Variants in ZC3H7B observed in about 807,000 individuals in gnomAD.
ZC3H7B encodes the protein zinc finger CCCH domain-containing protein 7B.
ZC3H7B carries 35 observed loss-of-function variants against 116.0 expected under a neutral mutation model. The ratio of observed to expected loss-of-function variants is 0.30; its 90% confidence interval spans 0.23 to 0.40. ZC3H7B has a LOEUF of 0.40. ZC3H7B is among the 10% of genes least tolerant of loss of function. The pLI is 1.00. For synonymous variants in ZC3H7B, 502 were observed against 545.6 expected (o/e 0.92, Z 1.11); for missense variants, 1,011 against 1,321.5 (o/e 0.77, Z 3.64).
intron 1 of ZC3H7B, among the ~76,000 whole-genome samples, chr22:41,310,171 G>A (rs61180871): frequency 6.6e-6 from 1 of 152,124 alleles, no homozygotes; most frequent in Admixed American, 6.6e-5. Flanking sequence ...CGCCACTGCA[G>A]TCCAGCCTGG....
chr22:41,349,014 G>C lies in ZC3H7B; in HGVS notation c.1767-106G>C. ...TGGCCTGGATTTGGTACATAGATCA[G>C]GGGGTGCCCAGGGAGAGCCTGGCAC... On this transcript the variant is annotated intron_variant, in intron 15 of 22. Coordinates refer to ENST00000352645, the MANE Select transcript of ZC3H7B (RefSeq NM_017590.6). This position sits in a 1 kb window ranked among gnomAD's most constrained non-coding sequence, Gnocchi z 4.9. The C allele has an allele frequency of 8.0e-7, 1 of 1,253,200 alleles. No individual in the cohort carries two copies. Among genetic ancestry groups the C allele is most frequent in the Non-Finnish European group, 1.1e-6 (1 of 900,248 alleles). 77.6% of individuals were successfully genotyped at this position (1,253,200 alleles called of 1,614,324 possible). A position where few individuals can be genotyped will look rare whatever the true frequency, so the allele number is the denominator to read the frequency against.
chr22:41,338,219 G>A lies in ZC3H7B; in HGVS notation c.583-94G>A. 1 of 1,363,228 alleles carries A rather than the reference G, an allele frequency of 7.3e-7. No homozygotes were observed. Among genetic ancestry groups the A allele is most frequent in the Non-Finnish European group, 1.0e-6 (1 of 979,780 alleles). The allele number at this position is 1,363,228 out of a possible 1,614,324, so 84.4% of individuals were successfully genotyped here. A position where few individuals can be genotyped will look rare whatever the true frequency, so the allele number is the denominator to read the frequency against. ...GCACTCTAAGTGCTCCTCGGTGCTG[G>A]GTCAACAGCATAGTCACGTGGGGAG... On this transcript the variant is annotated intron_variant, in intron 7 of 22. Transcript: ENST00000352645. This position sits in a 1 kb window ranked among gnomAD's most constrained non-coding sequence, Gnocchi z 4.5.
Position 41,356,442 on chromosome 22 carries a change from A to C in ZC3H7B, c.2483A>C (p.Gln828Pro). 1 of 1,614,164 alleles carries C rather than the reference A, an allele frequency of 6.2e-7. No homozygotes were observed. The highest frequency in any genetic ancestry group is 8.5e-7 in the Non-Finnish European group (1 of 1,180,042). ...TPISSREGEK[Q>P]IQMPTDYADI... ...ATCAGTTCTCGGGAAGGGGAGAAGC[A>C]GATCCAGATGCCCACGGACTACGCG... The change falls in exon 21 of 23, where the codon CAG (glutamine) becomes CCG (proline). Residue 828 changes from glutamine to proline, a missense_variant. Gln to Pro is a moderately conservative substitution (Grantham distance 76, BLOSUM62 -1). This residue lies in a region of ZC3H7B where 406 missense variants were observed against 590.2 expected (regional missense o/e 0.69). Transcript: ENST00000352645.
chr22:41,322,510 T>TC (rs2036270862), intron 2 of ZC3H7B, among the ~76,000 whole-genome samples: 1 of 150,900 alleles, frequency 6.6e-6, no homozygotes, highest in Non-Finnish European at 1.5e-5. Context: ...GTTTTATTTC[T>TC]CTTTTTTTTT....
chr22:41,354,131 A>G (rs111544660), intron 17 of ZC3H7B, among the ~76,000 whole-genome samples: 2,498 of 152,266 alleles, frequency 0.016, 78 homozygotes, highest in African/African-American at 0.057. Flanking sequence ...GTCTGGCTCT[A>G]AGGGAGGAGC....
At chr22:41,312,439 GATA>G (rs1162596631) in intron 1 of ZC3H7B, among the ~76,000 whole-genome samples, 23 of 12,032 alleles carry the variant, frequency 1.9e-3, no homozygotes, top group East Asian at 2.5e-3. Context: ...CTGTCTTAAT[GATA>G]ATAATAATAA....
At chr22:41,316,142 C>T (rs896225143) in intron 1 of ZC3H7B, among the ~76,000 whole-genome samples, 33 of 151,140 alleles carry the variant, frequency 2.2e-4, no homozygotes, top group Admixed American at 1.5e-3. Flanking sequence ...TATAGGAATG[C>T]GCCACCATGT....
chr22:41,335,878 C>T, intron 7 of ZC3H7B: 1 of 153,136 alleles, frequency 6.5e-6, no homozygotes, highest in Non-Finnish European at 1.5e-5. Context: ...TGATACCTCG[C>T]AGGGCGCCTG....
At chr22:41,314,477 A>G (rs1321081438) in intron 1 of ZC3H7B, among the ~76,000 whole-genome samples, 1 of 151,654 alleles carries the variant, frequency 6.6e-6, no homozygotes, top group Non-Finnish European at 1.5e-5. Flanking sequence ...TTTTGGGATA[A>G]GGGTCTCACT....
rs2036497274 is a variant in ZC3H7B at position 41,339,910 on chromosome 22, C to G, written c.911C>G (p.Pro304Arg). ...VFPGGTPLLP[P>R]VVGGSIPVSS... is the part of the protein sequence containing the mutation. ...CCCGGCGGGACCCCACTGCTACCAC[C>G]TGTGGTGGGTGGCTCCATCCCTGTC... The change falls in exon 10 of 23, where the codon CCT (proline) becomes CGT (arginine). Residue 304 changes from proline (P) to arginine (R), a missense_variant. By Grantham distance (103) the Pro-to-Arg change is moderately radical. Coordinates refer to ENST00000352645, the MANE Select transcript of ZC3H7B (RefSeq NM_017590.6). 6.2e-7 allele frequency: 1 copy of G among 1,613,726 alleles called. No individual in the cohort carries two copies. The highest frequency in any genetic ancestry group is 1.1e-5 in the South Asian group (1 of 91,080).
chr22:41,341,722 G>A (rs1353658441), intron 11 of ZC3H7B, among the ~76,000 whole-genome samples: 2 of 151,566 alleles, frequency 1.3e-5, no homozygotes, highest in Non-Finnish European at 2.9e-5. Context: ...CAGCCTGGGC[G>A]ACAGAGCGAG....
chr22:41,324,545 C>G (rs1203579325), intron 2 of ZC3H7B, among the ~76,000 whole-genome samples: 2 of 152,236 alleles, frequency 1.3e-5, no homozygotes, highest in African/African-American at 4.8e-5. Flanking sequence ...CCCAGCTTCC[C>G]TTCCAGCCTG....
intron 2 of ZC3H7B, among the ~76,000 whole-genome samples, chr22:41,321,829 C>CTATT (rs1242651500): frequency 3.3e-5 from 3 of 90,976 alleles, no homozygotes; most frequent in African/African-American, 1.7e-4. Flanking sequence ...AACTCACATT[C>CTATT]TTTTTTTTTT....
At chr22:41,317,000 G>A (rs11504968) in intron 1 of ZC3H7B, among the ~76,000 whole-genome samples, 7,453 of 151,956 alleles carry the variant, frequency 0.049, 613 homozygotes, top group Admixed American at 0.23. Flanking sequence ...GTACCATCAC[G>A]CCCAACTGAC....
chr22:41,309,569 C>G (rs2036091910), intron 1 of ZC3H7B, among the ~76,000 whole-genome samples: 1 of 152,100 alleles, frequency 6.6e-6, no homozygotes, highest in Non-Finnish European at 1.5e-5. Flanking sequence ...CCCACCTCAG[C>G]CTCCCAAAGT....
intron 1 of ZC3H7B, among the ~76,000 whole-genome samples, chr22:41,309,994 A>G (rs1459143109): frequency 2.6e-5 from 4 of 151,964 alleles, no homozygotes; most frequent in Non-Finnish European, 4.4e-5. Flanking sequence ...TCACAAGTTC[A>G]GGAGATCGAG....
rs372991434 is a variant in ZC3H7B at position 41,356,796 on chromosome 22, G to T, written c.2669G>T (p.Arg890Leu). 6.2e-7 allele frequency: 1 copy of T among 1,613,302 alleles called. No individual in the cohort carries two copies. Among genetic ancestry groups the T allele is most frequent in the South Asian group, 1.1e-5 (1 of 91,084 alleles). The change falls in exon 22 of 23, where the codon CGG becomes CTG. Residue 890 changes from arginine (R) to leucine (L), a missense_variant. By Grantham distance (102) the Arg-to-Leu change is moderately radical. This residue lies in a region of ZC3H7B where 406 missense variants were observed against 590.2 expected (regional missense o/e 0.69). Transcript: ENST00000352645. ...TTCCGCTTCCCCATGGGCGAGTTCC[G>T]GCTCTGCGACAGGTGCTCCTGGGAG... ...WAFRFPMGEFRLCDRLQKGKA... is the reference protein window; with the variant it reads ...WAFRFPMGEFLLCDRLQKGKA...
Position 41,327,515 on chromosome 22 carries a change from C to T in ZC3H7B, c.444+151C>T. 3.7e-6 allele frequency: 4 copies of T among 1,089,086 alleles called. No individual in the cohort carries two copies. The highest frequency in any genetic ancestry group is 5.2e-6 in the Non-Finnish European group (4 of 773,126). The allele number at this position is 1,089,086 out of a possible 1,614,324, so 67.5% of individuals were successfully genotyped here. A position where few individuals can be genotyped will look rare whatever the true frequency, so the allele number is the denominator to read the frequency against. ...GCAGATCCTGATGTTAACACTAGCT[C>T]CCATTCTCTGAGCGCTGACTGGGTG... On this transcript the variant is annotated intron_variant, in intron 5 of 22. Transcript: ENST00000352645. The surrounding 1 kb of genome is among the most constrained non-coding windows in gnomAD (Gnocchi z 4.5).
intron 1 of ZC3H7B, among the ~76,000 whole-genome samples, chr22:41,317,896 T>C (rs2036205169): frequency 1.3e-5 from 2 of 152,224 alleles, no homozygotes; most frequent in South Asian, 2.1e-4. Flanking sequence ...CTGATGCCCA[T>C]CTCTGCGGTG....
Sources: gnomAD v4.1 joint callset for allele counts (sites outside exome capture counted in the v4.1 genomes callset) on GRCh38, gnomAD v4.1.1 for gene constraint, gnomAD v4.1.1 regional missense constraint, Gnocchi (gnomAD v3.1) non-coding constraint, MANE v1.5 for transcripts, NCBI Gene and HGNC (gene_info 2026-07-23, HGNC 2026-07-21) for gene names.